ANKS1B: variants seen among roughly 807,000 people sequenced by gnomAD.
The protein encoded by ANKS1B is ankyrin repeat and sterile alpha motif domain containing 1B, also known as ankyrin repeat and sterile alpha motif domain-containing protein 1B.
ANKS1B carries 36 observed loss-of-function variants against 148.3 expected under a neutral mutation model. The observed-to-expected ratio is 0.24, with a 90% CI of 0.19 to 0.32. The LOEUF (loss-of-function observed/expected upper bound fraction) is 0.32. ANKS1B is among the 10% of genes least tolerant of loss of function. The pLI is 1.00. For synonymous variants in ANKS1B, 542 were observed against 560.8 expected (o/e 0.97, Z 0.47); for missense variants, 1,157 against 1,542.6 (o/e 0.75, Z 4.19).
At chr12:99,718,349 C>T (rs1414905913) in intron 8 of ANKS1B, among the ~76,000 whole-genome samples, 1 of 152,086 alleles carries the variant, frequency 6.6e-6, no homozygotes, top group African/African-American at 2.4e-5. Flanking sequence ...AATCCAAAGC[C>T]TCCTTTGCGT....
chr12:99,130,154 C>T (rs916909710), intron 15 of ANKS1B, among the ~76,000 whole-genome samples: 1 of 152,162 alleles, frequency 6.6e-6, no homozygotes, highest in Non-Finnish European at 1.5e-5. Context: ...AATGGCACAT[C>T]AAGGTATACT....
At chr12:99,145,171 T>C (rs1444303908) in intron 15 of ANKS1B, among the ~76,000 whole-genome samples, 1 of 152,034 alleles carries the variant, frequency 6.6e-6, no homozygotes, top group East Asian at 1.9e-4. Context: ...GACAGTTGAG[T>C]ATTACCAAAG....
intron 4 of ANKS1B, among the ~76,000 whole-genome samples, chr12:99,786,428 C>A (rs561197775): frequency 6.6e-6 from 1 of 152,146 alleles, no homozygotes; most frequent in South Asian, 2.1e-4. Context: ...TCTAAGCAAG[C>A]TGAAAGTTTA....
At chr12:98,964,898 G>A (rs780462796) in intron 17 of ANKS1B, among the ~76,000 whole-genome samples, 6 of 152,254 alleles carry the variant, frequency 3.9e-5, no homozygotes, top group African/African-American at 9.6e-5. Flanking sequence ...GAATTAATAA[G>A]ATCTAGTATT....
intron 12 of ANKS1B, among the ~76,000 whole-genome samples, chr12:99,288,072 A>T (rs1242293400): frequency 6.6e-6 from 1 of 152,186 alleles, no homozygotes; most frequent in African/African-American, 2.4e-5. Context: ...AGGTTCTATA[A>T]CACCAAGCAA....
chr12:99,068,623 ATG>A (rs2045285956), intron 16 of ANKS1B, among the ~76,000 whole-genome samples: 1 of 147,548 alleles, frequency 6.8e-6, no homozygotes, highest in Non-Finnish European at 1.5e-5. Flanking sequence ...GGGTTAATAT[ATG>A]GTGAAGTAAG....
intron 17 of ANKS1B, among the ~76,000 whole-genome samples, chr12:98,971,292 T>A (rs1004746978): frequency 1.8e-4 from 27 of 152,222 alleles, no homozygotes; most frequent in Admixed American, 1.6e-3. Context: ...AGATAACTGA[T>A]GTGAAAATGC....
intron 12 of ANKS1B, among the ~76,000 whole-genome samples, chr12:99,387,862 A>C (rs2093931567): frequency 6.6e-6 from 1 of 151,952 alleles, no homozygotes. Context: ...AGTTCATGTA[A>C]GAATTGTAAT....
intron 17 of ANKS1B, among the ~76,000 whole-genome samples, chr12:98,920,115 G>A (rs2099799475): frequency 6.6e-6 from 1 of 152,178 alleles, no homozygotes; most frequent in African/African-American, 2.4e-5. Flanking sequence ...CTAGCTTCTG[G>A]TGGTTTGCAG....
At chr12:99,618,381 G>A (rs1414048326) in intron 9 of ANKS1B, among the ~76,000 whole-genome samples, 4 of 152,210 alleles carry the variant, frequency 2.6e-5, no homozygotes, top group South Asian at 2.1e-4. Context: ...CCCCAACAGG[G>A]TTGATTAGAG....
At chr12:99,346,018 C>A (rs538981321) in intron 12 of ANKS1B, among the ~76,000 whole-genome samples, 16 of 152,090 alleles carry the variant, frequency 1.1e-4, no homozygotes, top group African/African-American at 3.4e-4. Context: ...TTTTTAGGAG[C>A]ACTCTGCCTT....
At chr12:98,798,885 A>G (rs2153582252) in intron 22 of ANKS1B, 49 bp downstream of exon 22, 6 of 1,473,532 alleles carry the variant, frequency 4.1e-6, no homozygotes, top group Non-Finnish European at 5.6e-6. Flanking sequence ...ATCCATACCC[A>G]GTATTTAGTA....
chr12:99,868,115 T>C (rs193191360), intron 1 of ANKS1B, among the ~76,000 whole-genome samples: 2 of 152,168 alleles, frequency 1.3e-5, no homozygotes, highest in Admixed American at 1.3e-4. Flanking sequence ...AAAAAGAAAC[T>C]AGCAAACTGG....
intron 8 of ANKS1B, among the ~76,000 whole-genome samples, chr12:99,727,839 A>C (rs1266018479): frequency 6.6e-6 from 1 of 152,160 alleles, no homozygotes; most frequent in African/African-American, 2.4e-5. Flanking sequence ...AACACCACAC[A>C]TCTACAACCA....
intron 12 of ANKS1B, among the ~76,000 whole-genome samples, chr12:99,393,939 A>G (rs2094159666): frequency 6.6e-6 from 1 of 152,192 alleles, no homozygotes; most frequent in Admixed American, 6.5e-5. Flanking sequence ...ACCACAACCT[A>G]TGTAAAATTC....
At chr12:98,947,280 T>C (rs1432515655) in intron 17 of ANKS1B, among the ~76,000 whole-genome samples, 1 of 151,900 alleles carries the variant, frequency 6.6e-6, no homozygotes, top group East Asian at 1.9e-4. Flanking sequence ...TTTGGAGCAG[T>C]AAAGGAAGGT....
At chr12:99,459,351 G>A (rs140144855) in intron 10 of ANKS1B, among the ~76,000 whole-genome samples, 2 of 152,006 alleles carry the variant, frequency 1.3e-5, no homozygotes, top group East Asian at 1.9e-4. Flanking sequence ...ACTGGAACAA[G>A]ACAAGGATGC....
At chr12:98,767,265 T>C (rs935821793) in intron 25 of ANKS1B, among the ~76,000 whole-genome samples, 2 of 152,224 alleles carry the variant, frequency 1.3e-5, no homozygotes, top group Non-Finnish European at 2.9e-5. Flanking sequence ...GCTGGCTTTG[T>C]GCATATGGAT....
At chr12:99,512,365 A>C (rs1044881368) in intron 9 of ANKS1B, among the ~76,000 whole-genome samples, 7 of 152,060 alleles carry the variant, frequency 4.6e-5, no homozygotes, top group Non-Finnish European at 1.0e-4. Flanking sequence ...CACCTCATGC[A>C]GTCAGAATGA....
Sources: allele counts gnomAD v4.1 joint callset (sites outside exome capture counted in the v4.1 genomes callset), GRCh38; gene constraint gnomAD v4.1.1; transcripts MANE v1.5; gene names NCBI Gene and HGNC (gene_info 2026-07-23, HGNC 2026-07-21).